The following UBR3 variants were observed in gnomAD, a reference collection of about 807,000 sequenced individuals.
The protein encoded by UBR3 is E3 ubiquitin-protein ligase UBR3.
A neutral mutation model predicts 243.2 loss-of-function variants in UBR3; 85 were observed. The ratio of observed to expected loss-of-function variants is 0.35; its 90% CI spans 0.29 to 0.42. UBR3 has a LOEUF of 0.42. UBR3 is among the 10% of genes least tolerant of loss of function. The pLI is 1.00. For synonymous variants in UBR3, 748 were observed against 799.8 expected (o/e 0.94, Z 1.09); for missense variants, 1,686 against 2,300.8 (o/e 0.73, Z 5.47).
Position 169,878,513 on chromosome 2 carries a change from TCTC to T in UBR3, c.989-7_989-5del, listed in dbSNP as rs1466172626. 5.8e-6 allele frequency: 9 copies of T among 1,549,754 alleles called. No homozygotes were observed. The highest frequency in any genetic ancestry group is 2.7e-5 in the African/African-American group (2 of 73,018). On this transcript the variant is annotated splice_polypyrimidine_tract_variant and intron_variant, in intron 4 of 38. Transcript: ENST00000272793. ...AACTATGAAGGACAACTATTTTTCT[TCTC>T]CTCCAAAGGTTTCATAGGCGCAACA...
At chr2:169,983,883 G>A (rs2088876842) in intron 24 of UBR3, among the ~76,000 whole-genome samples, 1 of 152,104 alleles carries the variant, frequency 6.6e-6, no homozygotes, top group Admixed American at 6.5e-5. Flanking sequence ...TTCTAAAAGG[G>A]CAAATGTGAA....
intron 25 of UBR3, among the ~76,000 whole-genome samples, chr2:169,993,653 A>G (rs1475502520): frequency 1.3e-5 from 2 of 152,162 alleles, no homozygotes; most frequent in South Asian, 2.1e-4. Context: ...AATTTGTCCT[A>G]TTGTGGGTGG....
At chr2:169,993,929 G>C (rs1456267781) in intron 25 of UBR3, among the ~76,000 whole-genome samples, 2 of 152,022 alleles carry the variant, frequency 1.3e-5, no homozygotes, top group African/African-American at 4.8e-5. Context: ...GGCTCACCTT[G>C]CACTTTTCCC....
At chr2:170,068,221 A>G (rs1439199233) in intron 35 of UBR3, among the ~76,000 whole-genome samples, 1 of 152,184 alleles carries the variant, frequency 6.6e-6, no homozygotes, top group East Asian at 1.9e-4. Context: ...CTGTAATCCC[A>G]GCACTTTGGG....
intron 32 of UBR3, among the ~76,000 whole-genome samples, chr2:170,043,100 A>T (rs1408338214): frequency 1.3e-5 from 2 of 152,128 alleles, no homozygotes; most frequent in Non-Finnish European, 2.9e-5. Context: ...AAATTACTTT[A>T]TGTCTTCAAA....
intron 23 of UBR3, among the ~76,000 whole-genome samples, chr2:169,957,719 A>G (rs1173306440): frequency 1.3e-5 from 2 of 152,104 alleles, no homozygotes; most frequent in African/African-American, 4.8e-5. Context: ...AATAAAATAA[A>G]ATTAGCCGTT....
intron 23 of UBR3, among the ~76,000 whole-genome samples, chr2:169,956,388 G>A (rs1000008179): frequency 3.3e-5 from 5 of 151,126 alleles, no homozygotes; most frequent in Admixed American, 1.3e-4. Flanking sequence ...ATGCCCTCCC[G>A]TGCCAGGTTG....
chr2:169,875,557 T>TG (rs1342818746), intron 2 of UBR3, among the ~76,000 whole-genome samples: 1 of 152,208 alleles, frequency 6.6e-6, no homozygotes, highest in Non-Finnish European at 1.5e-5. Flanking sequence ...AGGTCATCTG[T>TG]GTTTTTCCAT....
intron 32 of UBR3, among the ~76,000 whole-genome samples, chr2:170,054,368 G>A (rs1022992607): frequency 3.3e-5 from 5 of 150,622 alleles, no homozygotes; most frequent in African/African-American, 9.8e-5. Flanking sequence ...TGCAACCTCC[G>A]CCTCCCGGGT....
intron 30 of UBR3, among the ~76,000 whole-genome samples, chr2:170,029,003 G>C (rs1336797772): frequency 6.6e-6 from 1 of 151,904 alleles, no homozygotes. Flanking sequence ...GAAGATAATA[G>C]TAAAGTTTGG....
intron 24 of UBR3, among the ~76,000 whole-genome samples, chr2:169,972,408 T>A (rs371100670): frequency 2.0e-5 from 3 of 152,246 alleles, no homozygotes; most frequent in African/African-American, 7.2e-5. Context: ...TCCCTAACTC[T>A]TTTTATGAGG....
chr2:169,915,852 T>G (rs150230654), intron 11 of UBR3, among the ~76,000 whole-genome samples: 10 of 152,332 alleles, frequency 6.6e-5, no homozygotes, highest in South Asian at 2.1e-4. Flanking sequence ...TTCAATGGGT[T>G]ATAAGCTATT....
At chr2:170,001,712 G>A (rs955074065) in intron 27 of UBR3, among the ~76,000 whole-genome samples, 10 of 151,698 alleles carry the variant, frequency 6.6e-5, no homozygotes, top group South Asian at 2.1e-4. Context: ...CCTGGCCAAC[G>A]TGGCCACCTG....
Position 169,827,455 on chromosome 2 carries a change from C to T in UBR3, c.-53C>T, listed in dbSNP as rs2081773227. On this transcript the variant is annotated 5_prime_UTR_variant, in exon 1 of 39. Coordinates refer to ENST00000272793, the MANE Select transcript of UBR3 (RefSeq NM_172070.4). Reference sequence around the variant, plus strand: ...GCAATCGCAGCAGTCTATTCCCTCACTCTCCCTGGAGGAGCCGCTGGCCCT... The same window carrying T: ...GCAATCGCAGCAGTCTATTCCCTCATTCTCCCTGGAGGAGCCGCTGGCCCT... 2 of 1,216,876 alleles carry T rather than the reference C, an allele frequency of 1.6e-6. No individual in the cohort carries two copies. Among genetic ancestry groups the T allele is most frequent in the South Asian group, 4.3e-5 (1 of 23,528 alleles). 75.4% of individuals were successfully genotyped at this position (1,216,876 alleles called of 1,614,324 possible). A position where few individuals can be genotyped will look rare whatever the true frequency, so the allele number is the denominator to read the frequency against.
chr2:170,076,349 CTCAT>C (rs1341260579), intron 36 of UBR3, among the ~76,000 whole-genome samples: 1 of 152,244 alleles, frequency 6.6e-6, no homozygotes, highest in African/African-American at 2.4e-5. Flanking sequence ...CACCCTTCTT[CTCAT>C]TCACAGTTTC....
intron 9 of UBR3, 58 bp downstream of exon 9, chr2:169,905,351 A>G: frequency 7.9e-7 from 1 of 1,273,854 alleles, no homozygotes; most frequent in African/African-American, 1.5e-5. Context: ...ATGCTAAATT[A>G]TTAAATATCA....
intron 19 of UBR3, among the ~76,000 whole-genome samples, chr2:169,937,161 A>G (rs1396601526): frequency 1.3e-5 from 2 of 152,190 alleles, no homozygotes; most frequent in African/African-American, 4.8e-5. Context: ...CATCCTCTCC[A>G]GCACCTGTTG....
intron 24 of UBR3, chr2:169,964,500 A>G (rs10197085): frequency 0.21 from 95,504 of 462,250 alleles, 11,360 homozygotes; most frequent in East Asian, 0.38. Context: ...TCCTCTGAGG[A>G]AACTGGAGGG....
intron 31 of UBR3, among the ~76,000 whole-genome samples, chr2:170,036,452 T>C (rs1482364303): frequency 6.6e-6 from 1 of 152,014 alleles, no homozygotes; most frequent in Non-Finnish European, 1.5e-5. Flanking sequence ...AATGGCTATT[T>C]TTATCTTATC....
Sources: allele counts gnomAD v4.1 joint callset (sites outside exome capture counted in the v4.1 genomes callset), GRCh38; gene constraint gnomAD v4.1.1; transcripts MANE v1.5; gene names NCBI Gene and HGNC (gene_info 2026-07-23, HGNC 2026-07-21).